COMMD10: variants seen among roughly 807,000 people sequenced by gnomAD.
COMMD10 encodes COMM domain containing 10, also known as COMM domain-containing protein 10.
A neutral mutation model predicts 28.9 loss-of-function variants in COMMD10; 33 were observed. The ratio of observed to expected loss-of-function variants is 1.14; its 90% CI spans 0.87 to 1.53. COMMD10 has a LOEUF of 1.53. Among genes scored for constraint, COMMD10 ranks in the 40% most tolerant of loss-of-function variants. COMMD10 has a pLI of 0.00. For missense variants in COMMD10, 310 were observed against 233.4 expected, an observed-to-expected ratio of 1.33 and a Z score of -2.14; for synonymous variants, 110 against 81.7, an observed-to-expected ratio of 1.35 and a Z score of -1.87.
intron 5 of COMMD10, among the ~76,000 whole-genome samples, chr5:116,236,925 T>G (rs1749680361): frequency 6.6e-6 from 1 of 152,146 alleles, no homozygotes; most frequent in Non-Finnish European, 1.5e-5. Flanking sequence ...TATCTTCCTC[T>G]CAATTTTGCT....
chr5:116,282,261 C>G (rs548534074), intron 5 of COMMD10, among the ~76,000 whole-genome samples: 1 of 152,012 alleles, frequency 6.6e-6, no homozygotes, highest in African/African-American at 2.4e-5. Context: ...TCATCTACCT[C>G]TAAACATTAC....
chr5:116,128,343 T>C (rs1324331103), intron 4 of COMMD10, among the ~76,000 whole-genome samples: 1 of 152,070 alleles, frequency 6.6e-6, no homozygotes, highest in Non-Finnish European at 1.5e-5. Context: ...AAAACCATTA[T>C]AAATATTAGT....
At chr5:116,120,624 A>T (rs1035464564) in intron 4 of COMMD10, among the ~76,000 whole-genome samples, 2 of 152,130 alleles carry the variant, frequency 1.3e-5, no homozygotes, top group Non-Finnish European at 2.9e-5. Context: ...ACATTCTGTC[A>T]CTATAGATGG....
intron 5 of COMMD10, among the ~76,000 whole-genome samples, chr5:116,213,594 G>C (rs184637384): frequency 3.3e-5 from 5 of 152,214 alleles, no homozygotes; most frequent in Admixed American, 2.6e-4. Context: ...ACCCATGAAA[G>C]GTTAAGGACC....
intron 5 of COMMD10, among the ~76,000 whole-genome samples, chr5:116,239,373 A>T (rs1431361488): frequency 1.3e-5 from 2 of 152,154 alleles, no homozygotes; most frequent in Non-Finnish European, 2.9e-5. Flanking sequence ...GAATTGCCAT[A>T]ATCAATGGAT....
In COMMD10 at chr5:116,128,269, C is replaced by G. The variant is rs370542396; in HGVS notation, c.400-5799C>G. 9.2e-5 allele frequency among the ~76,000 whole-genome samples: 14 copies of G among 152,058 alleles called. No homozygotes were observed. The East Asian group carries it at 1.9e-3, about 21-fold the overall frequency. ...TTTGAGGTGACATTTTAGTAACATT[C>G]TCAGGTAAAAGGTAATGTAAGTGAG... On this transcript the variant is annotated intron_variant, in intron 4 of 6. Transcript: ENST00000274458.
intron 5 of COMMD10, among the ~76,000 whole-genome samples, chr5:116,247,999 A>G (rs546899456): frequency 3.3e-5 from 5 of 151,976 alleles, no homozygotes; most frequent in Non-Finnish European, 7.4e-5. Flanking sequence ...ATTTTATGCA[A>G]TACCTACAAA....
At chr5:116,221,177 G>A (rs150535441) in intron 5 of COMMD10, among the ~76,000 whole-genome samples, 4 of 151,412 alleles carry the variant, frequency 2.6e-5, no homozygotes, top group African/African-American at 9.7e-5. Flanking sequence ...GGCACCAGCT[G>A]GTCTGACGGT....
intron 5 of COMMD10, among the ~76,000 whole-genome samples, chr5:116,170,915 C>G (rs968284544): frequency 2.0e-5 from 3 of 152,168 alleles, no homozygotes; most frequent in Admixed American, 2.0e-4. Flanking sequence ...CCATTCAAGA[C>G]ATAGGCATGG....
chr5:116,172,853 G>A (rs183345197), intron 5 of COMMD10, among the ~76,000 whole-genome samples: 1 of 152,042 alleles, frequency 6.6e-6, no homozygotes, highest in African/African-American at 2.4e-5. Flanking sequence ...CAAAAAATAC[G>A]ATGAAATTTC....
intron 5 of COMMD10, among the ~76,000 whole-genome samples, chr5:116,206,309 C>T (rs543689358): frequency 6.6e-6 from 1 of 152,182 alleles, no homozygotes; most frequent in African/African-American, 2.4e-5. Flanking sequence ...GGTAGATCAA[C>T]CCATATGCAC....
At chr5:116,264,465 C>A (rs545489645) in intron 5 of COMMD10, among the ~76,000 whole-genome samples, 1 of 151,966 alleles carries the variant, frequency 6.6e-6, no homozygotes, top group East Asian at 1.9e-4. Flanking sequence ...CTGTTACATT[C>A]ACTGTAGCAC....
At chr5:116,137,761 T>A (rs1249278956) in intron 5 of COMMD10, among the ~76,000 whole-genome samples, 2 of 152,032 alleles carry the variant, frequency 1.3e-5, no homozygotes, top group Non-Finnish European at 2.9e-5. Flanking sequence ...TGGTCTCCTT[T>A]CTTAGAACAC....
chr5:116,264,215 A>C (rs1750522879), intron 5 of COMMD10, among the ~76,000 whole-genome samples: 1 of 151,744 alleles, frequency 6.6e-6, no homozygotes, highest in African/African-American at 2.4e-5. Flanking sequence ...AATTTTAGTG[A>C]TTAAAGTACA....
chr5:116,216,536 GTTGT>G (rs142037608), intron 5 of COMMD10, among the ~76,000 whole-genome samples: 1,992 of 151,970 alleles, frequency 0.013, 48 homozygotes, highest in African/African-American at 0.044. Context: ...TTTTGTTTTT[GTTGT>G]TTGTTTGTTT....
intron 5 of COMMD10, among the ~76,000 whole-genome samples, chr5:116,212,522 G>GTGTGTGTGTGTGTGTGTGTA (rs71223098): frequency 0.021 from 2,721 of 131,424 alleles, 114 homozygotes; most frequent in Non-Finnish European, 0.032. Context: ...GTGTGTGTGT[G>GTGTGTGTGTGTGTGTGTGTA]TAGAATGTGA....
intron 5 of COMMD10, among the ~76,000 whole-genome samples, chr5:116,154,252 T>TA (rs1178638252): frequency 6.6e-6 from 1 of 152,210 alleles, no homozygotes; most frequent in Non-Finnish European, 1.5e-5. Flanking sequence ...GTTATTTTGT[T>TA]ACTTTTATTT....
chr5:116,196,937 ATTTCTG>A lies in COMMD10; in HGVS notation c.510+62761_510+62766del, dbSNP rs1214705323. On this transcript the variant is annotated intron_variant, in intron 5 of 6. Coordinates refer to ENST00000274458, the MANE Select transcript of COMMD10 (RefSeq NM_016144.4). ...GATTTACTAAATTAAGCTTAGGAGC[ATTTCTG>A]TCGATGTATTCCTATCTTTCAGTAT... Among the ~76,000 whole-genome samples the A allele has an allele frequency of 2.2e-4, 33 of 152,184 alleles. 1 individual carries two copies. Among genetic ancestry groups the A allele is most frequent in the South Asian group, 4.1e-4 (2 of 4,834 alleles).
At chr5:116,119,842 T>C (rs561291980) in intron 4 of COMMD10, among the ~76,000 whole-genome samples, 2 of 152,230 alleles carry the variant, frequency 1.3e-5, no homozygotes, top group East Asian at 3.9e-4. Context: ...TCTTGAACTC[T>C]TGGCCTCAAG....
Sources: gnomAD v4.1 joint callset for allele counts (sites outside exome capture counted in the v4.1 genomes callset) on GRCh38, gnomAD v4.1.1 for gene constraint, MANE v1.5 for transcripts, NCBI Gene and HGNC (gene_info 2026-07-23, HGNC 2026-07-21) for gene names.